The following ITGA1 variants were observed in gnomAD, a reference collection of about 807,000 sequenced individuals.
ITGA1 encodes integrin alpha-1.
In ITGA1, 85 loss-of-function variants were observed where a neutral mutation model predicts 145.9. The ratio of observed to expected loss-of-function variants is 0.58; its 90% CI spans 0.49 to 0.70. The LOEUF is 0.70. Among genes scored for constraint, ITGA1 ranks in the 30% least tolerant of loss-of-function variants. ITGA1 has a pLI of 0.00. For synonymous variants in ITGA1, 520 were observed against 495.3 expected (o/e 1.05, Z -0.66); for missense variants, 1,351 against 1,418.7 (o/e 0.95, Z 0.77).
intron 7 of ITGA1, among the ~76,000 whole-genome samples, chr5:52,883,673 TG>T (rs1750001394): frequency 6.6e-6 from 1 of 152,182 alleles, no homozygotes; most frequent in Non-Finnish European, 1.5e-5. Flanking sequence ...TTTTTACTTT[TG>T]TCAATAAACT....
chr5:52,883,380 C>T (rs986156953), intron 7 of ITGA1, among the ~76,000 whole-genome samples: 1 of 152,128 alleles, frequency 6.6e-6, no homozygotes, highest in Non-Finnish European at 1.5e-5. Flanking sequence ...AATACCATGT[C>T]CCTATGTGTT....
intron 14 of ITGA1, among the ~76,000 whole-genome samples, chr5:52,911,785 A>ATCTACTATATATACTATATATATG (rs1750547426): frequency 7.6e-6 from 1 of 131,504 alleles, no homozygotes; most frequent in Non-Finnish European, 1.6e-5. Context: ...CTATATATAT[A>ATCTACTATATATACTATATATATG]GTGTATCTAC....
In ITGA1 at chr5:52,939,583, T is replaced by C. The variant is rs1237239939; in HGVS notation, c.3079-7T>C. On this transcript the variant is annotated splice_region_variant and splice_polypyrimidine_tract_variant and intron_variant, in intron 24 of 28. Coordinates refer to ENST00000282588, the MANE Select transcript of ITGA1 (RefSeq NM_181501.2). ...TTGTCTGATAAATGTAATATTTTCA[T>C]TTCTAGAATGCAAACTGCAGACCCC... 9 of 1,579,818 alleles carry C rather than the reference T, an allele frequency of 5.7e-6. No individual in the cohort carries two copies. The highest frequency in any genetic ancestry group is 1.7e-5 in the Admixed American group (1 of 58,450).
chr5:52,799,027 T>C (rs1476844002), intron 1 of ITGA1, among the ~76,000 whole-genome samples: 3 of 152,158 alleles, frequency 2.0e-5, no homozygotes, highest in Non-Finnish European at 4.4e-5. Flanking sequence ...CAAACTCAGA[T>C]TCCTTCCTTT....
intron 27 of ITGA1, among the ~76,000 whole-genome samples, chr5:52,945,644 A>G (rs1751124047): frequency 6.6e-6 from 1 of 152,156 alleles, no homozygotes; most frequent in Non-Finnish European, 1.5e-5. Context: ...ATAAAATAAA[A>G]TAAGTACTTG....
At chr5:52,866,368 A>G (rs1489693451) in intron 6 of ITGA1, among the ~76,000 whole-genome samples, 1 of 152,004 alleles carries the variant, frequency 6.6e-6, no homozygotes, top group East Asian at 1.9e-4. Context: ...GCCATTTTTA[A>G]TGCACTTGAA....
chr5:52,842,253 G>A (rs1749266312), intron 1 of ITGA1, among the ~76,000 whole-genome samples: 1 of 152,148 alleles, frequency 6.6e-6, no homozygotes, highest in African/African-American at 2.4e-5. Flanking sequence ...ATGGAATGGT[G>A]TCATCTGTAC....
chr5:52,845,523 G>A (rs569076727), intron 1 of ITGA1, among the ~76,000 whole-genome samples: 15 of 152,142 alleles, frequency 9.9e-5, no homozygotes, highest in Admixed American at 2.6e-4. Flanking sequence ...TTTATGAGCC[G>A]TGGTTGGTTT....
At chr5:52,818,695 T>C (rs1312551721) in intron 1 of ITGA1, among the ~76,000 whole-genome samples, 1 of 152,220 alleles carries the variant, frequency 6.6e-6, no homozygotes, top group Non-Finnish European at 1.5e-5. Context: ...TTTCTTTTTT[T>C]GTCATAGTAA....
chr5:52,794,254 T>A (rs989845393), intron 1 of ITGA1, among the ~76,000 whole-genome samples: 1 of 151,318 alleles, frequency 6.6e-6, no homozygotes, highest in African/African-American at 2.4e-5. Flanking sequence ...ATATAGCACC[T>A]AAGTCACTTT....
At position 52,952,450 on chromosome 5, in the gene ITGA1, G is replaced by C; in HGVS notation, c.3539G>C (p.Ter1180SerextTer4). The C allele has an allele frequency of 7.3e-7, 1 of 1,368,072 alleles. No homozygotes were observed. The highest frequency in any genetic ancestry group is 1.0e-6 in the Non-Finnish European group (1 of 993,242). The allele number at this position is 1,368,072 out of a possible 1,614,324, so 84.7% of individuals were successfully genotyped here. A position where few individuals can be genotyped will look rare whatever the true frequency, so the allele number is the denominator to read the frequency against. Residue 1180 changes from the stop codon to serine (S), a stop_lost, in exon 29 of 29, where the codon TGA (stop) becomes TCA (serine). Transcript: ENST00000282588. Reference protein sequence around the residue: ...KRPLKKKMEK* With the variant: ...KRPLKKKMEKS ...CCACTGAAAAAGAAAATGGAGAAAT[G>C]AAATATTTTATGAAAGAAAATAATA...
In ITGA1 at chr5:52,920,429, T is replaced by A; in HGVS notation, c.2253T>A (p.Val751=). 1 of 1,609,990 alleles carries A rather than the reference T, an allele frequency of 6.2e-7. No homozygotes were observed. Among genetic ancestry groups the A allele is most frequent in the Non-Finnish European group, 8.5e-7 (1 of 1,178,436 alleles). ...QERKVQRNIT[V]RKSECTKHSF... Reference sequence around the variant, plus strand: ...GAAAGGTTCAAAGGAACATCACAGTTCGAAAATCAGAATGCACTAAGCACT... The same window carrying A: ...GAAAGGTTCAAAGGAACATCACAGTACGAAAATCAGAATGCACTAAGCACT... Residue 751 remains valine, a synonymous_variant, in exon 17 of 29, where the codon GTT becomes GTA. Coordinates refer to ENST00000282588, the MANE Select transcript of ITGA1 (RefSeq NM_181501.2).
At chr5:52,912,661 T>G (rs1204016540) in intron 14 of ITGA1, among the ~76,000 whole-genome samples, 1 of 147,178 alleles carries the variant, frequency 6.8e-6, no homozygotes, top group East Asian at 2.0e-4. Flanking sequence ...CTATATATAG[T>G]GTATCTATAA....
intron 23 of ITGA1, among the ~76,000 whole-genome samples, chr5:52,934,446 T>A (rs1352529398): frequency 1.3e-5 from 2 of 151,730 alleles, no homozygotes; most frequent in Non-Finnish European, 3.0e-5. Context: ...GTCTTGGCAA[T>A]TTTTTTTACT....
intron 26 of ITGA1, among the ~76,000 whole-genome samples, chr5:52,942,592 G>A (rs1333188301): frequency 4.0e-5 from 6 of 149,696 alleles, no homozygotes; most frequent in East Asian, 4.0e-4. Context: ...GTCCAGTGGC[G>A]CGACCTTGGC....
intron 1 of ITGA1, among the ~76,000 whole-genome samples, chr5:52,789,020 T>A (rs909721683): frequency 6.6e-6 from 1 of 152,220 alleles, no homozygotes; most frequent in African/African-American, 2.4e-5. Context: ...TCTGTAAATA[T>A]CACAGGGCAG....
At chr5:52,808,676 C>CTTTTTTTTTTTTTTT (rs60113844) in intron 1 of ITGA1, among the ~76,000 whole-genome samples, 86 of 69,338 alleles carry the variant, frequency 1.2e-3, no homozygotes, top group East Asian at 1.7e-3. Context: ...TTCTTTCTTT[C>CTTTTTTTTTTTTTTT]TTTTTTTTTT....
intron 1 of ITGA1, among the ~76,000 whole-genome samples, chr5:52,835,936 T>G (rs921097129): frequency 6.6e-6 from 1 of 152,218 alleles, no homozygotes; most frequent in Admixed American, 6.6e-5. Flanking sequence ...TATATCCTGT[T>G]GAACTTTGCC....
intron 6 of ITGA1, among the ~76,000 whole-genome samples, chr5:52,876,979 T>A (rs1011517481): frequency 2.0e-5 from 3 of 151,862 alleles, no homozygotes; most frequent in African/African-American, 7.3e-5. Flanking sequence ...TATTGGGGAG[T>A]CCTGAAGATG....
Sources: allele counts gnomAD v4.1 joint callset (sites outside exome capture counted in the v4.1 genomes callset), GRCh38; gene constraint gnomAD v4.1.1; transcripts MANE v1.5; gene names NCBI Gene and HGNC (gene_info 2026-07-23, HGNC 2026-07-21).